ANXA6: variants seen among roughly 807,000 people sequenced by gnomAD.
ANXA6 encodes 67 kDa calelectrin.
ANXA6 carries 71 observed loss-of-function variants against 95.4 expected under a neutral mutation model. The observed-to-expected ratio is 0.74, with a 90% CI of 0.61 to 0.91. The LOEUF is 0.91. ANXA6 is among the 40% of genes least tolerant of loss of function. The pLI is 0.00. For synonymous variants in ANXA6, 289 were observed against 315.9 expected, an observed-to-expected ratio of 0.91 and a Z score of 0.90; for missense variants, 830 against 876.4, an observed-to-expected ratio of 0.95 and a Z score of 0.67.
chr5:151,137,117 G>T, intron 6 of ANXA6, 114 bp downstream of exon 6: 2 of 897,068 alleles, frequency 2.2e-6, no homozygotes, highest in Non-Finnish European at 3.5e-6. Context: ...TGGACAAATG[G>T]ATCAGAGGAA....
At chr5:151,108,166 T>C (rs574562757) in intron 23 of ANXA6, among the ~76,000 whole-genome samples, 51 of 152,218 alleles carry the variant, frequency 3.4e-4, no homozygotes, top group South Asian at 8.3e-4. Context: ...GTGTGTGGTG[T>C]GTGTGTGTAT....
intron 17 of ANXA6, among the ~76,000 whole-genome samples, chr5:151,120,634 G>A (rs1274241892): frequency 2.0e-5 from 3 of 151,992 alleles, no homozygotes; most frequent in Non-Finnish European, 2.9e-5. Flanking sequence ...CAGGAGAATC[G>A]CTTGAACCTG....
At chr5:151,151,925 C>A (rs538168235) in intron 1 of ANXA6, among the ~76,000 whole-genome samples, 52 of 152,362 alleles carry the variant, frequency 3.4e-4, no homozygotes, top group African/African-American at 1.2e-3. Context: ...GTGAAACCCA[C>A]ACAGGAGCAG....
chr5:151,150,394 T>C (rs1268445621), intron 1 of ANXA6, among the ~76,000 whole-genome samples: 1 of 152,196 alleles, frequency 6.6e-6, no homozygotes, highest in African/African-American at 2.4e-5. Flanking sequence ...ACCTAAGTTA[T>C]GTCAAAGGCA....
At chr5:151,121,841 C>A (rs191792543) in intron 17 of ANXA6, among the ~76,000 whole-genome samples, 94 of 152,264 alleles carry the variant, frequency 6.2e-4, no homozygotes, top group African/African-American at 2.1e-3. Context: ...CGCTAGCTGG[C>A]GGGATGGACA....
At chr5:151,136,426 T>G in intron 6 of ANXA6, 91 bp from the exon 7 acceptor site, 1 of 1,279,128 alleles carries the variant, frequency 7.8e-7, no homozygotes. Context: ...TGATCAGATA[T>G]TTTTAAGAAT....
At chr5:151,126,534 A>T in intron 13 of ANXA6, 54 bp from the exon 14 acceptor site, 1 of 1,208,206 alleles carries the variant, frequency 8.3e-7, no homozygotes, top group Non-Finnish European at 1.2e-6. Context: ...CATGGGCAAC[A>T]CTCACACCAA....
intron 11 of ANXA6, among the ~76,000 whole-genome samples, chr5:151,130,447 G>T (rs1765463453): frequency 6.6e-6 from 1 of 152,142 alleles, no homozygotes; most frequent in Admixed American, 6.5e-5. Context: ...AGAGACAAGG[G>T]TCTTACTATG....
chr5:151,148,029 C>A (rs998662094), intron 1 of ANXA6, 103 bp from the exon 2 acceptor site: 6 of 1,176,418 alleles, frequency 5.1e-6, no homozygotes, highest in African/African-American at 1.5e-5. Flanking sequence ...TGCCCCCAGC[C>A]CTTCAGGTTA....
At chr5:151,119,254 G>A (rs1220548203) in intron 18 of ANXA6, 46 bp downstream of exon 18, 3 of 1,518,276 alleles carry the variant, frequency 2.0e-6, no homozygotes, top group African/African-American at 1.4e-5. Flanking sequence ...AAGTTGGGGG[G>A]CCTGGCTGTT....
In ANXA6 at chr5:151,110,521, G is replaced by A. The variant is rs116106243; in HGVS notation, c.1590+106C>T. 8,175 of 1,277,964 alleles carry A rather than the reference G, an allele frequency of 6.4e-3. 183 individuals are homozygous for A. The highest frequency in any genetic ancestry group is 0.06 in the African/African-American group (4,046 of 67,884). 79.2% of individuals were successfully genotyped at this position (1,277,964 alleles called of 1,614,324 possible). ...GCCCGGAAGGGGAGAGAGAGAAGCCGCACAGCAAGCTCCCAAATCACTGCT... is the reference window on the plus strand; with the variant it reads ...GCCCGGAAGGGGAGAGAGAGAAGCCACACAGCAAGCTCCCAAATCACTGCT... On this transcript the variant is annotated intron_variant, in intron 21 of 25. Transcript: ENST00000354546.
At position 151,126,466 on chromosome 5, in the gene ANXA6, A is replaced by T. The variant is rs1255238774; in HGVS notation, c.992T>A (p.Phe331Tyr). The T allele has an allele frequency of 3.1e-6, 5 of 1,610,062 alleles. 1 individual carries two copies. Among genetic ancestry groups the T allele is most frequent in the Non-Finnish European group, 4.2e-6 (5 of 1,178,308 alleles). ...SGGDDDAAGQFFPEAAQVAYQ... is the reference protein window; with the variant it reads ...SGGDDDAAGQYFPEAAQVAYQ... ...GGCCACCTGCGCTGCCTCCGGGAAG[A>T]ACTGGCCAGCAGCACTGGAATGGAG... The change falls in exon 14 of 26, where the codon TTC becomes TAC. Residue 331 changes from phenylalanine (F) to tyrosine (Y), a missense_variant. By Grantham distance (22) the Phe-to-Tyr change is conservative. Coordinates refer to ENST00000354546, the MANE Select transcript of ANXA6 (RefSeq NM_001155.5).
Position 151,122,168 on chromosome 5 carries a change from C to G in ANXA6, c.1326G>C (p.Lys442Asn). Reference sequence around the variant, plus strand: ...GTACCTCCATGGCCTTCTTCAACTGCTTGGCATCGTAATGGGCCGGTGGCA... The same window carrying G: ...GTACCTCCATGGCCTTCTTCAACTGGTTGGCATCGTAATGGGCCGGTGGCA... The part of the protein sequence containing the change: ...LMMPPAHYDA[K>N]QLKKAMEGAG... Residue 442 changes from lysine (K) to asparagine (N), a missense_variant, in exon 17 of 26, where the codon AAG (lysine) becomes AAC (asparagine). By Grantham distance (94) the Lys-to-Asn change is moderately conservative. Coordinates refer to ENST00000354546, the MANE Select transcript of ANXA6 (RefSeq NM_001155.5). 1 of 1,596,266 alleles carries G rather than the reference C, an allele frequency of 6.3e-7. No homozygotes were observed. The highest frequency in any genetic ancestry group is 8.5e-7 in the Non-Finnish European group (1 of 1,173,920).
Position 151,106,943 on chromosome 5 carries a change from AG to A in ANXA6, c.1780+1511del, listed in dbSNP as rs149354472. Reference sequence around the variant, plus strand: ...ATACCTGTTCAAGGTGGGAGGAGAAAGGGAAGAGGGAAATACACGAGGAGGG... The same window carrying A: ...ATACCTGTTCAAGGTGGGAGGAGAAAGGAAGAGGGAAATACACGAGGAGGG... On this transcript the variant is annotated intron_variant, in intron 23 of 25. Coordinates refer to ENST00000354546, the MANE Select transcript of ANXA6 (RefSeq NM_001155.5). 1.2e-3 allele frequency among the ~76,000 whole-genome samples: 187 copies of A among 152,260 alleles called. 2 individuals are homozygous for A. Among genetic ancestry groups the A allele is most frequent in the African/African-American group, 4.2e-3 (173 of 41,540 alleles).
chr5:151,122,842 C>T, intron 16 of ANXA6, 75 bp downstream of exon 16: 1 of 1,359,370 alleles, frequency 7.4e-7, no homozygotes, highest in East Asian at 2.3e-5. Flanking sequence ...CTGTGCAGAA[C>T]CGATGGGGAC....
intron 1 of ANXA6, 33 bp from the exon 2 acceptor site, chr5:151,147,959 C>A: frequency 6.4e-7 from 1 of 1,568,210 alleles, no homozygotes; most frequent in East Asian, 2.3e-5. Context: ...GTGAGATTCC[C>A]CCCAACTCTA....
At chr5:151,147,842 G>A (rs1449504828) in intron 2 of ANXA6, 42 bp downstream of exon 2, 3 of 1,581,304 alleles carry the variant, frequency 1.9e-6, no homozygotes, top group Non-Finnish European at 2.6e-6. Context: ...CCCAGGCCCA[G>A]AGAAGGCTGA....
At chr5:151,145,380 A>G (rs1248172950) in intron 2 of ANXA6, among the ~76,000 whole-genome samples, 2 of 152,340 alleles carry the variant, frequency 1.3e-5, no homozygotes, top group South Asian at 2.1e-4. Context: ...CCCTGTCCTC[A>G]AGGTGTTTTT....
At chr5:151,140,121 C>A (rs762479932) in intron 3 of ANXA6, 32 bp downstream of exon 3, 4 of 1,603,528 alleles carry the variant, frequency 2.5e-6, no homozygotes, top group Non-Finnish European at 3.4e-6. Flanking sequence ...TTGGGGGATA[C>A]CCCTCAAGCT....
Sources: allele counts gnomAD v4.1 joint callset (sites outside exome capture counted in the v4.1 genomes callset), GRCh38; gene constraint gnomAD v4.1.1; transcripts MANE v1.5; gene names NCBI Gene and HGNC (gene_info 2026-07-23, HGNC 2026-07-21).